The following DOK6 variants were observed in gnomAD, a reference collection of about 807,000 sequenced individuals.
The protein encoded by DOK6 is downstream of tyrosine kinase 6.
A neutral mutation model predicts 44.0 loss-of-function variants in DOK6; 22 were observed. The ratio of observed to expected loss-of-function variants is 0.50; its 90% CI spans 0.36 to 0.71. The LOEUF (loss-of-function observed/expected upper bound fraction) is 0.71, where lower values mean the gene tolerates loss of function less well. Ranked by LOEUF, DOK6 falls within the 30% of genes least tolerant of loss-of-function variation. The probability of loss-of-function intolerance (pLI) is 0.00; values close to 1 mark genes in which losing one functional copy is unlikely to be tolerated. For missense variants in DOK6, 340 were observed against 416.4 expected (o/e 0.82, Z 1.60); for synonymous variants, 166 against 145.5 (o/e 1.14, Z -1.01).
At chr18:69,630,760 T>G (rs1311670619) in intron 3 of DOK6, among the ~76,000 whole-genome samples, 2 of 152,238 alleles carry the variant, frequency 1.3e-5, no homozygotes, top group African/African-American at 2.4e-5. Context: ...TGTGACTGCA[T>G]GTATTGCACT....
At chr18:69,632,995 C>T (rs143208322) in intron 3 of DOK6, among the ~76,000 whole-genome samples, 3 of 152,308 alleles carry the variant, frequency 2.0e-5, no homozygotes, top group Non-Finnish European at 2.9e-5. Context: ...GGTTTAAGCT[C>T]ACAGCTGTGA....
intron 1 of DOK6, chr18:69,471,597 T>TG (rs1388609923): frequency 6.6e-6 from 1 of 151,668 alleles, no homozygotes; most frequent in African/African-American, 2.4e-5. Flanking sequence ...TTTTTTTTTT[T>TG]TGTAGAGAAC....
Position 69,823,591 on chromosome 18 carries a change from A to T in DOK6, c.857-17653A>T, listed in dbSNP as rs561691248. Among the ~76,000 whole-genome samples the T allele has an allele frequency of 8.7e-4, 132 of 151,820 alleles. 1 individual carries two copies. Among genetic ancestry groups the T allele is most frequent in the African/African-American group, 3.1e-3 (129 of 41,396 alleles). ...GCTGGAGAAGCACATTTCAAACCAC[A>T]AAGAGTCCTTAGGAGAAGGAGAAGT... On this transcript the variant is annotated intron_variant, in intron 7 of 7. Coordinates refer to ENST00000382713, the MANE Select transcript of DOK6 (RefSeq NM_152721.6).
At chr18:69,822,444 C>T (rs781172696) in intron 7 of DOK6, among the ~76,000 whole-genome samples, 3 of 145,004 alleles carry the variant, frequency 2.1e-5, no homozygotes, top group Non-Finnish European at 4.6e-5. Context: ...AATCCCAATT[C>T]CCAAAAGATG....
chr18:69,698,355 ACTC>A, intron 4 of DOK6, 46 bp from the exon 5 acceptor site: 1 of 1,528,454 alleles, frequency 6.5e-7, no homozygotes. Flanking sequence ...GGCCATAGAC[ACTC>A]ACACCTCTTT....
At chr18:69,731,216 AC>A (rs1465700773) in intron 5 of DOK6, among the ~76,000 whole-genome samples, 3 of 152,184 alleles carry the variant, frequency 2.0e-5, no homozygotes, top group Non-Finnish European at 2.9e-5. Flanking sequence ...GTAATCATCT[AC>A]TCACTGAGTT....
At chr18:69,488,045 T>C (rs1453221045) in intron 1 of DOK6, among the ~76,000 whole-genome samples, 1 of 152,190 alleles carries the variant, frequency 6.6e-6, no homozygotes, top group African/African-American at 2.4e-5. Context: ...GGAGGTAGAC[T>C]GTCCAAGATC....
chr18:69,500,907 A>G (rs1383066047), intron 1 of DOK6, among the ~76,000 whole-genome samples: 1 of 152,130 alleles, frequency 6.6e-6, no homozygotes, highest in African/African-American at 2.4e-5. Context: ...TGATTTATAA[A>G]CACATGTATT....
chr18:69,660,913 C>T (rs987309474), intron 3 of DOK6: 1 of 152,422 alleles, frequency 6.6e-6, no homozygotes. Context: ...TCGTGATCCA[C>T]CTGCCTCGGC....
At chr18:69,807,882 A>G (rs879856488) in intron 7 of DOK6, among the ~76,000 whole-genome samples, 2 of 151,876 alleles carry the variant, frequency 1.3e-5, no homozygotes, top group South Asian at 2.1e-4. Context: ...CAATGGATAG[A>G]TCATCCAGAG....
chr18:69,599,525 T>C, intron 3 of DOK6, 27 bp downstream of exon 3: 1 of 1,579,368 alleles, frequency 6.3e-7, no homozygotes, highest in South Asian at 1.1e-5. Context: ...CATCTACCCC[T>C]TGAGGAAATT....
At position 69,401,185 on chromosome 18, in the gene DOK6, A is replaced by T; in HGVS notation, c.-60A>T. On this transcript the variant is annotated 5_prime_UTR_variant, in exon 1 of 8. Coordinates refer to ENST00000382713, the MANE Select transcript of DOK6 (RefSeq NM_152721.6). Reference sequence around the variant, plus strand: ...GAGACCCGCGCAGACCCGGCGGCGGACGGCGGCTCTCGACTCCGGAGAGCG... The same window carrying T: ...GAGACCCGCGCAGACCCGGCGGCGGTCGGCGGCTCTCGACTCCGGAGAGCG... 6.7e-7 allele frequency: 1 copy of T among 1,486,576 alleles called. No homozygotes were observed. Among genetic ancestry groups the T allele is most frequent in the South Asian group, 1.3e-5 (1 of 77,868 alleles). 92.1% of individuals were successfully genotyped at this position (1,486,576 alleles called of 1,614,324 possible). A position where few individuals can be genotyped will look rare whatever the true frequency, so the allele number is the denominator to read the frequency against.
chr18:69,454,852 T>C (rs1042621642), intron 1 of DOK6, among the ~76,000 whole-genome samples: 3 of 141,234 alleles, frequency 2.1e-5, no homozygotes, highest in African/African-American at 7.9e-5. Flanking sequence ...AGGTGGGAAT[T>C]GAACAATGAG....
At chr18:69,611,149 G>A (rs767930442) in intron 3 of DOK6, among the ~76,000 whole-genome samples, 12 of 152,052 alleles carry the variant, frequency 7.9e-5, no homozygotes, top group South Asian at 4.1e-4. Context: ...ACAATTTATC[G>A]CATTCACATG....
chr18:69,787,081 T>C (rs1167641854), intron 7 of DOK6, among the ~76,000 whole-genome samples: 1 of 152,132 alleles, frequency 6.6e-6, no homozygotes, highest in Admixed American at 6.6e-5. Context: ...CCAGGCGTGG[T>C]GGTGCATGCC....
In DOK6 at chr18:69,489,997, A is replaced by C. The variant is rs566047653; in HGVS notation, c.67-74490A>C. Among the ~76,000 whole-genome samples, 7 of 152,232 alleles carry C rather than the reference A, an allele frequency of 4.6e-5. No homozygotes were observed. In the South Asian group the frequency reaches 8.3e-4, roughly 18 times the overall value. ...CAAATTCTGCCGTATTCACTGCAAC[A>C]TTGTAGGCTGCCATGTCATAGTTTT... is the stretch of plus-strand genomic sequence containing the variant. On this transcript the variant is annotated intron_variant, in intron 1 of 7. Transcript: ENST00000382713.
intron 3 of DOK6, among the ~76,000 whole-genome samples, chr18:69,599,951 A>G (rs775048469): frequency 1.3e-5 from 2 of 152,220 alleles, no homozygotes; most frequent in Non-Finnish European, 2.9e-5. Flanking sequence ...TACTACAAGT[A>G]AATACATTTC....
At chr18:69,793,816 C>T (rs28552903) in intron 7 of DOK6, among the ~76,000 whole-genome samples, 61,452 of 151,622 alleles carry the variant, frequency 0.41, 12,698 homozygotes, top group Middle Eastern at 0.47. Flanking sequence ...ATGGGAAAAA[C>T]AAATGGTATT....
At chr18:69,415,687 G>A (rs1198533459) in intron 1 of DOK6, among the ~76,000 whole-genome samples, 1 of 151,934 alleles carries the variant, frequency 6.6e-6, no homozygotes, top group African/African-American at 2.4e-5. Flanking sequence ...GATGCATTAT[G>A]TCATTTTCAG....
Sources: gnomAD v4.1 joint callset for allele counts (sites outside exome capture counted in the v4.1 genomes callset) on GRCh38, gnomAD v4.1.1 for gene constraint, MANE v1.5 for transcripts, NCBI Gene and HGNC (gene_info 2026-07-23, HGNC 2026-07-21) for gene names.